Variants in PIK3R4 observed in about 807,000 individuals in gnomAD.
PIK3R4 encodes phosphoinositide-3-kinase regulatory subunit 4, also known as phosphoinositide 3-kinase regulatory subunit 4.
A neutral mutation model predicts 136.5 loss-of-function variants in PIK3R4; 46 were observed. The observed-to-expected ratio is 0.34, with a 90% CI of 0.27 to 0.43. The LOEUF (loss-of-function observed/expected upper bound fraction) is 0.43. Among genes scored for constraint, PIK3R4 ranks in the 20% least tolerant of loss-of-function variants. The pLI, the probability that PIK3R4 is intolerant of heterozygous loss-of-function variation, is 1.00. For missense variants in PIK3R4, 1,331 were observed against 1,649.5 expected, an observed-to-expected ratio of 0.81 and a Z score of 3.35; for synonymous variants, 557 against 566.7, an observed-to-expected ratio of 0.98 and a Z score of 0.24.
chr3:130,734,071 T>C lies in PIK3R4; in HGVS notation c.927A>G (p.Lys309=), dbSNP rs139846241. The change falls in exon 4 of 20, where the codon AAA becomes AAG. Residue 309 remains lysine (K), a synonymous_variant. Coordinates refer to ENST00000356763, the MANE Select transcript of PIK3R4 (RefSeq NM_014602.3). ...DKRLEAEDYL[K]QQRGNAFPEI... ...CAGGAAAGGCATTGCCACGCTGCTG[T>C]TTTAAGTAATCTTCTGCCTCTAAAC... 105 of 1,614,128 alleles carry C rather than the reference T, an allele frequency of 6.5e-5. No homozygotes were observed. The African/African-American group carries it at 1.2e-3, about 18-fold the overall frequency.
At chr3:130,689,843 C>T (rs1342851156) in intron 14 of PIK3R4, among the ~76,000 whole-genome samples, 1 of 152,198 alleles carries the variant, frequency 6.6e-6, no homozygotes, top group African/African-American at 2.4e-5. Flanking sequence ...CATAACATAT[C>T]TTGTCTTTGA....
Position 130,708,481 on chromosome 3 carries a change from C to T in PIK3R4, c.2343G>A (p.Glu781=), listed in dbSNP as rs1244976288. The change falls in exon 10 of 20, where the codon GAG becomes GAA. Residue 781 remains glutamate, a synonymous_variant. Coordinates refer to ENST00000356763, the MANE Select transcript of PIK3R4 (RefSeq NM_014602.3). ...GTGCCAGAAGTTTGTCTTCCTCTTC[C>T]TCTGTCATTCCCTAAAACCAAATAA... ...LKKLLSQGMT[E]EEEDKLLALK... is the part of the protein sequence containing the mutation. 1.2e-5 allele frequency: 20 copies of T among 1,612,062 alleles called. No individual in the cohort carries two copies. In the East Asian group the frequency reaches 4.2e-4, roughly 34 times the overall value.
intron 13 of PIK3R4, among the ~76,000 whole-genome samples, chr3:130,700,878 C>G (rs946055744): frequency 6.6e-6 from 1 of 152,214 alleles, no homozygotes; most frequent in Non-Finnish European, 1.5e-5. Context: ...AGGCCCATGG[C>G]TGGCCACAAA....
chr3:130,691,445 C>A (rs535113457), intron 13 of PIK3R4, among the ~76,000 whole-genome samples: 1 of 152,274 alleles, frequency 6.6e-6, no homozygotes, highest in South Asian at 2.1e-4. Context: ...TTCAGTCTCT[C>A]CCACACATAT....
In PIK3R4 at chr3:130,684,372, C is replaced by A; in HGVS notation, c.3485G>T (p.Ser1162Ile). 6.2e-7 allele frequency: 1 copy of A among 1,612,738 alleles called. No homozygotes were observed. The highest frequency in any genetic ancestry group is 8.5e-7 in the Non-Finnish European group (1 of 1,178,978). ...HQCWLCIGTS[S>I]GTMACWDMRF... is the part of the protein sequence containing the mutation. ...CATGTCCCAACAAGCCATGGTACCA[C>A]TGCTTGTACCTTAAAGAAAAAAGGA... Residue 1162 changes from serine (S) to isoleucine (I), a missense_variant, in exon 16 of 20, where the codon AGT becomes ATT. This residue lies in a region of PIK3R4 where 1,180 missense variants were observed against 1,407.0 expected (regional missense o/e 0.84). Transcript: ENST00000356763.
chr3:130,703,846 T>C lies in PIK3R4; in HGVS notation c.2975A>G (p.His992Arg). ...KGLLVAHLHEHKSAVNRIRVS... is the reference protein window; with the variant it reads ...KGLLVAHLHERKSAVNRIRVS... ...TCTAATTCGATTCACAGCAGATTTA[T>C]GCTCATGAAGATGGGCAACTAACAG... Residue 992 changes from histidine to arginine, a missense_variant, in exon 13 of 20, where the codon CAT becomes CGT. His to Arg is a conservative substitution (Grantham distance 29). Transcript: ENST00000356763. The C allele has an allele frequency of 1.2e-6, 2 of 1,613,240 alleles. No homozygotes were observed. The highest frequency in any genetic ancestry group is 8.5e-7 in the Non-Finnish European group (1 of 1,179,298).
chr3:130,726,569 A>C lies in PIK3R4; in HGVS notation c.1807+1894T>G, dbSNP rs2066733462. On this transcript the variant is annotated intron_variant, in intron 6 of 19. Coordinates refer to ENST00000356763, the MANE Select transcript of PIK3R4 (RefSeq NM_014602.3). ...CGATCAGCATATGACAGAAAGGGAT[A>C]AATGGGATGGAAAGAGAAGAGGAAT... Among the ~76,000 whole-genome samples, 5 of 152,206 alleles carry C rather than the reference A, an allele frequency of 3.3e-5. No individual in the cohort carries two copies. The South Asian group carries it at 1.0e-3, about 32-fold the overall frequency.
chr3:130,690,753 C>T, intron 13 of PIK3R4, 99 bp from the exon 14 acceptor site: 1 of 661,840 alleles, frequency 1.5e-6, no homozygotes. Flanking sequence ...ACTTTGGGGT[C>T]CATTTAATCT....
At chr3:130,692,194 C>T (rs2107602688) in intron 13 of PIK3R4, among the ~76,000 whole-genome samples, 1 of 152,130 alleles carries the variant, frequency 6.6e-6, no homozygotes, top group Non-Finnish European at 1.5e-5. Flanking sequence ...TTCTTAATAA[C>T]AGCTTTGCTG....
At position 130,681,533 on chromosome 3, in the gene PIK3R4, A is replaced by C. The variant is rs748148388; in HGVS notation, c.3666T>G (p.Phe1222Leu). The C allele has an allele frequency of 6.2e-7, 1 of 1,613,002 alleles. No individual in the cohort carries two copies. The highest frequency in any genetic ancestry group is 1.3e-5 in the African/African-American group (1 of 74,890). ...GTGGTGCACTGCTGGCCCAGAGAGTAAATCTTCTGTCACCAGTCTCCATGT... is the reference window on the plus strand; with the variant it reads ...GTGGTGCACTGCTGGCCCAGAGAGTCAATCTTCTGTCACCAGTCTCCATGT... ...MWDMETGDRR[F>L]TLWASSAPPL... The change falls in exon 17 of 20, where the codon TTT becomes TTG. Residue 1222 changes from phenylalanine (F) to leucine (L), a missense_variant. By Grantham distance (22) the Phe-to-Leu change is conservative (BLOSUM62 0). This residue lies in a region of PIK3R4 where 1,180 missense variants were observed against 1,407.0 expected (regional missense o/e 0.84). Transcript: ENST00000356763.
chr3:130,723,608 T>G (rs763940005), intron 6 of PIK3R4, 21 bp from the exon 7 acceptor site: 7 of 1,603,524 alleles, frequency 4.4e-6, no homozygotes, highest in Non-Finnish European at 5.1e-6. Context: ...AAAGCAATAT[T>G]ATGTGATTAT....
chr3:130,717,694 G>A (rs1232076481), intron 8 of PIK3R4, among the ~76,000 whole-genome samples: 1 of 152,178 alleles, frequency 6.6e-6, no homozygotes, highest in African/African-American at 2.4e-5. Flanking sequence ...TACAAAAGTG[G>A]GAGAAAGCCA....
intron 6 of PIK3R4, among the ~76,000 whole-genome samples, chr3:130,725,372 CA>C (rs1472695050): frequency 6.7e-6 from 1 of 148,990 alleles, no homozygotes. Flanking sequence ...AGAAAAAAAA[CA>C]AAAAAAATGC....
intron 4 of PIK3R4, 58 bp from the exon 5 acceptor site, chr3:130,730,500 AT>A: frequency 1.6e-6 from 2 of 1,280,608 alleles, no homozygotes; most frequent in South Asian, 3.1e-5. Context: ...TGTAAAGCTT[AT>A]TAACTTTTCC....
Position 130,743,667 on chromosome 3 carries a change from T to C in PIK3R4, c.733+819A>G, listed in dbSNP as rs568324856. Among the ~76,000 whole-genome samples the C allele has an allele frequency of 3.3e-5, 5 of 152,268 alleles. No homozygotes were observed. The East Asian group carries it at 9.7e-4, about 29-fold the overall frequency. On this transcript the variant is annotated intron_variant, in intron 2 of 19. Coordinates refer to ENST00000356763, the MANE Select transcript of PIK3R4 (RefSeq NM_014602.3). ...ACAGAATCCTAACAATTCTATCTACTAATTATCTCTTAAGCATTACCACTT... is the reference window on the plus strand; with the variant it reads ...ACAGAATCCTAACAATTCTATCTACCAATTATCTCTTAAGCATTACCACTT...
intron 18 of PIK3R4, 30 bp downstream of exon 18, chr3:130,680,947 C>A: frequency 1.8e-6 from 2 of 1,089,672 alleles, no homozygotes; most frequent in Admixed American, 2.1e-5. Context: ...GTAAAAGTAT[C>A]CATTTTATTA....
In PIK3R4 at chr3:130,703,776, G is replaced by A; in HGVS notation, c.3045C>T (p.Gly1015=). 1 of 1,613,066 alleles carries A rather than the reference G, an allele frequency of 6.2e-7. No individual in the cohort carries two copies. The highest frequency in any genetic ancestry group is 8.5e-7 in the Non-Finnish European group (1 of 1,179,096). The part of the protein sequence containing the change: ...HSLFATCSND[G]TVKIWNSQKM... ...TTTGACTGTTCCAGATTTTCACTGT[G>A]CCATCATTTGAACATGTTGCAAAAA... is the stretch of plus-strand genomic sequence containing the variant. Residue 1015 remains glycine (G), a synonymous_variant, in exon 13 of 20, where the codon GGC becomes GGT. Transcript: ENST00000356763.
chr3:130,727,078 AAAGTACC>A (rs2066735808), intron 6 of PIK3R4, among the ~76,000 whole-genome samples: 1 of 152,234 alleles, frequency 6.6e-6, no homozygotes, highest in South Asian at 2.1e-4. Context: ...TTCAAAGTAG[AAAGTACC>A]CTTTCCTCCA....
chr3:130,734,619 G>A (rs532675208), intron 3 of PIK3R4, among the ~76,000 whole-genome samples: 40 of 152,312 alleles, frequency 2.6e-4, no homozygotes, highest in African/African-American at 9.1e-4. Flanking sequence ...TGTGGTTTAA[G>A]TATAGCTCTA....
Sources: gnomAD v4.1 joint callset for allele counts (sites outside exome capture counted in the v4.1 genomes callset) on GRCh38, gnomAD v4.1.1 for gene constraint, gnomAD v4.1.1 regional missense constraint, MANE v1.5 for transcripts, NCBI Gene and HGNC (gene_info 2026-07-23, HGNC 2026-07-21) for gene names.